Variants in CCDC92 observed in about 807,000 individuals in gnomAD.
The protein encoded by CCDC92 is coiled-coil domain-containing protein 92.
In CCDC92, 12 loss-of-function variants were observed where a neutral mutation model predicts 24.9. The observed-to-expected ratio is 0.48, with a 90% CI of 0.31 to 0.78. The LOEUF is 0.78. Ranked by LOEUF, CCDC92 falls within the 30% of genes least tolerant of loss-of-function variation. The pLI, the probability that CCDC92 is intolerant of heterozygous loss-of-function variation, is 0.05. For synonymous variants in CCDC92, 193 were observed against 196.3 expected, an observed-to-expected ratio of 0.98 and a Z score of 0.14; for missense variants, 399 against 439.4, an observed-to-expected ratio of 0.91 and a Z score of 0.82.
chr12:123,962,057 T>C (rs538289966), intron 1 of CCDC92, among the ~76,000 whole-genome samples: 1 of 152,214 alleles, frequency 6.6e-6, no homozygotes, highest in Non-Finnish European at 1.5e-5. Flanking sequence ...TCTTTTGCCC[T>C]TTTCTTTCCC....
chr12:123,954,057 T>C (rs1956092595), intron 1 of CCDC92, among the ~76,000 whole-genome samples: 1 of 152,240 alleles, frequency 6.6e-6, no homozygotes, highest in South Asian at 2.1e-4. Flanking sequence ...CTAAAGCTTC[T>C]TTAATGATGA....
At chr12:123,964,359 A>C (rs886796362) in intron 1 of CCDC92, among the ~76,000 whole-genome samples, 1 of 151,372 alleles carries the variant, frequency 6.6e-6, no homozygotes, top group African/African-American at 2.4e-5. Flanking sequence ...AAATCCTTTC[A>C]TATCTATTTT....
At position 123,939,401 on chromosome 12, in the gene CCDC92, G is replaced by A. The variant is rs543890871; in HGVS notation, c.224-1571C>T. ...CAGGACACTTGCATGTTACAAGCTC[G>A]CTGCAGGTGATGGGCGCTCCTCGAC... On this transcript the variant is annotated intron_variant, in intron 4 of 4. Coordinates refer to ENST00000238156, the MANE Select transcript of CCDC92 (RefSeq NM_025140.3). Among the ~76,000 whole-genome samples, 3 of 152,336 alleles carry A rather than the reference G, an allele frequency of 2.0e-5. No individual in the cohort carries two copies. In the South Asian group the frequency reaches 6.2e-4, roughly 32 times the overall value.
chr12:123,959,730 C>T (rs1956231009), intron 1 of CCDC92, among the ~76,000 whole-genome samples: 1 of 152,174 alleles, frequency 6.6e-6, no homozygotes, highest in African/African-American at 2.4e-5. Flanking sequence ...CTGTTGCGGC[C>T]ACATGTAGCT....
intron 1 of CCDC92, among the ~76,000 whole-genome samples, chr12:123,958,069 T>C (rs1367668386): frequency 6.6e-6 from 1 of 150,974 alleles, no homozygotes; most frequent in African/African-American, 2.4e-5. Flanking sequence ...TATTTTATTT[T>C]AGAGACAGAG....
intron 1 of CCDC92, chr12:123,961,139 C>A (rs748462201): frequency 6.6e-6 from 1 of 152,232 alleles, no homozygotes; most frequent in Non-Finnish European, 1.5e-5. Flanking sequence ...CAGGGGAAGG[C>A]TGTCCATGAA....
chr12:123,944,440 T>C (rs1955785219), intron 1 of CCDC92, 76 bp from the exon 2 acceptor site: 1 of 833,594 alleles, frequency 1.2e-6, no homozygotes, highest in South Asian at 2.4e-5. Context: ...TTTTCCCTAA[T>C]TTGCTATTCC....
At chr12:123,951,702 T>TG (rs1956030303) in intron 1 of CCDC92, among the ~76,000 whole-genome samples, 1 of 152,264 alleles carries the variant, frequency 6.6e-6, no homozygotes, top group Admixed American at 6.5e-5. Flanking sequence ...CAAGGACCTC[T>TG]GGGGGCTTTT....
chr12:123,951,707 G>C (rs1430485889), intron 1 of CCDC92, among the ~76,000 whole-genome samples: 3 of 152,218 alleles, frequency 2.0e-5, no homozygotes, highest in Non-Finnish European at 4.4e-5. Context: ...ACCTCTGGGG[G>C]CTTTTCTGTG....
chr12:123,943,672 C>T (rs894490759), intron 2 of CCDC92, 179 bp from the exon 3 acceptor site: 3 of 681,564 alleles, frequency 4.4e-6, no homozygotes, highest in Non-Finnish European at 7.4e-6. Context: ...GCAGGGAGGC[C>T]CCAGGCCAGG....
chr12:123,957,136 A>G (rs1956166328), intron 1 of CCDC92, among the ~76,000 whole-genome samples: 2 of 152,226 alleles, frequency 1.3e-5, no homozygotes, highest in Admixed American at 6.5e-5. Flanking sequence ...TTTCATTTAG[A>G]TACTTTTACA....
At chr12:123,958,050 T>TTTTTA (rs1018511522) in intron 1 of CCDC92, among the ~76,000 whole-genome samples, 15 of 151,648 alleles carry the variant, frequency 9.9e-5, no homozygotes, top group Non-Finnish European at 1.9e-4. Flanking sequence ...TTATACTCAT[T>TTTTTA]TTTTATTTTA....
Position 123,957,122 on chromosome 12 carries a change from C to T in CCDC92, c.-59-12758G>A, listed in dbSNP as rs544875587. 8.5e-5 allele frequency among the ~76,000 whole-genome samples: 13 copies of T among 152,260 alleles called. 1 individual carries two copies. The highest frequency in any genetic ancestry group is 3.1e-4 in the African/African-American group (13 of 41,548). On this transcript the variant is annotated intron_variant, in intron 1 of 4. Coordinates refer to ENST00000238156, the MANE Select transcript of CCDC92 (RefSeq NM_025140.3). ...GGTTCATGACACACTCTTTAAGGGC[C>T]CACTTTCATTTAGATACTTTTACAA...
intron 4 of CCDC92, among the ~76,000 whole-genome samples, chr12:123,940,942 G>T (rs1254832663): frequency 7.3e-6 from 1 of 137,376 alleles, no homozygotes; most frequent in Non-Finnish European, 1.5e-5. Context: ...CACCTGAGAG[G>T]CTTTTGAAAC....
chr12:123,952,050 C>G (rs995552792), intron 1 of CCDC92, among the ~76,000 whole-genome samples: 2 of 152,150 alleles, frequency 1.3e-5, no homozygotes, highest in African/African-American at 4.8e-5. Context: ...GTATCTGAAC[C>G]CTATCTTGTC....
At chr12:123,966,760 G>C (rs1956402029) in intron 1 of CCDC92, 1 of 152,334 alleles carries the variant, frequency 6.6e-6, no homozygotes, top group Non-Finnish European at 1.5e-5. Flanking sequence ...CTGGCATCCT[G>C]AGACTACTTG....
chr12:123,937,443 C>T lies in CCDC92; in HGVS notation c.611G>A (p.Arg204His), dbSNP rs746554659. 27 of 1,613,444 alleles carry T rather than the reference C, an allele frequency of 1.7e-5. No homozygotes were observed. Among genetic ancestry groups the T allele is most frequent in the East Asian group, 4.5e-5 (2 of 44,878 alleles). Residue 204 changes from arginine (R) to histidine (H), a missense_variant, in exon 5 of 5, where the codon CGC becomes CAC. Physicochemically the swap from Arg to His is conservative, Grantham distance 29. Coordinates refer to ENST00000238156, the MANE Select transcript of CCDC92 (RefSeq NM_025140.3). The surrounding 1 kb of genome is among the most constrained non-coding windows in gnomAD (Gnocchi z 8.4). ...GGCTGAGAGGCTCTTTTTCATGCGGCGGCGAGGCGTTTCGGGTAGCTTGTC... is the reference window on the plus strand; with the variant it reads ...GGCTGAGAGGCTCTTTTTCATGCGGTGGCGAGGCGTTTCGGGTAGCTTGTC... ...PKDKLPETPR[R>H]RMKKSLSAPL... is the part of the protein sequence containing the mutation.
In CCDC92 at chr12:123,936,916, A is replaced by C; in HGVS notation, c.*142T>G. The C allele has an allele frequency of 1.1e-6, 1 of 876,314 alleles. No individual in the cohort carries two copies. Among genetic ancestry groups the C allele is most frequent in the Non-Finnish European group, 1.7e-6 (1 of 573,378 alleles). 54.3% of individuals were successfully genotyped at this position (876,314 alleles called of 1,614,324 possible). A position where few individuals can be genotyped will look rare whatever the true frequency, so the allele number is the denominator to read the frequency against. Reference sequence around the variant, plus strand: ...ACGATCATATTTTGGTGTGAAGAAGAGGGCAAGAGAAGCAGAAGGAGAATG... The same window carrying C: ...ACGATCATATTTTGGTGTGAAGAAGCGGGCAAGAGAAGCAGAAGGAGAATG... On this transcript the variant is annotated 3_prime_UTR_variant, in exon 5 of 5. Coordinates refer to ENST00000238156, the MANE Select transcript of CCDC92 (RefSeq NM_025140.3).
intron 1 of CCDC92, among the ~76,000 whole-genome samples, chr12:123,964,249 CTTTTT>C (rs1329114891): frequency 6.6e-6 from 1 of 151,928 alleles, no homozygotes; most frequent in African/African-American, 2.4e-5. Flanking sequence ...AGTTATTTAT[CTTTTT>C]TTTAAAAAAA....
Sources: allele counts gnomAD v4.1 joint callset (sites outside exome capture counted in the v4.1 genomes callset), GRCh38; gene constraint gnomAD v4.1.1; non-coding constraint Gnocchi (gnomAD v3.1); transcripts MANE v1.5; gene names NCBI Gene and HGNC (gene_info 2026-07-23, HGNC 2026-07-21).